NRG1: variants seen among roughly 807,000 people sequenced by gnomAD.
NRG1 encodes pro-neuregulin-1, membrane-bound isoform.
Under a neutral mutation model 63.8 loss-of-function variants are expected in NRG1, and 18 were observed. That is an observed-to-expected ratio of 0.28 (90% CI 0.19 to 0.42). NRG1 has a LOEUF of 0.42. Ranked by LOEUF, NRG1 falls within the 10% of genes least tolerant of loss-of-function variation. The pLI is 1.00. For missense variants in NRG1, 762 were observed against 814.7 expected, an observed-to-expected ratio of 0.94 and a Z score of 0.79; for synonymous variants, 302 against 301.3, an observed-to-expected ratio of 1.00 and a Z score of -0.02.
rs149554287 is a variant in NRG1, at chr8:32,394,980, G to A, written c.38-200848G>A. ...TATGAAATCAGTGGTGAGAAGAATG[G>A]CTATAAGGAATGGGCTCTACAATTA... On this transcript the variant is annotated intron_variant, in intron 1 of 10. Coordinates refer to the NRG1 transcript ENST00000519301. Among the ~76,000 whole-genome samples the A allele has an allele frequency of 6.0e-3, 920 of 152,236 alleles. 11 individuals are homozygous for A. Among genetic ancestry groups the A allele is most frequent in the African/African-American group, 0.021 (889 of 41,536 alleles).
chr8:32,375,578 G>A (rs1809519382), intron 1 of NRG1, among the ~76,000 whole-genome samples: 1 of 151,370 alleles, frequency 6.6e-6, no homozygotes. Flanking sequence ...CCAAGGTGGT[G>A]ATGAGAGTCT....
intron 1 of NRG1, among the ~76,000 whole-genome samples, chr8:32,133,024 T>C (rs1334588804): frequency 1.3e-5 from 2 of 151,604 alleles, no homozygotes; most frequent in East Asian, 3.9e-4. Flanking sequence ...ACTCTCTCTC[T>C]CTTTCTTCCT....
chr8:31,918,649 T>G (rs561529319), intron 1 of NRG1, among the ~76,000 whole-genome samples: 4 of 152,138 alleles, frequency 2.6e-5, no homozygotes, highest in East Asian at 3.9e-4. Context: ...TCAAGGATAT[T>G]GGTCTAAAAT....
At chr8:32,286,239 G>C (rs1258878862) in intron 1 of NRG1, among the ~76,000 whole-genome samples, 2 of 152,182 alleles carry the variant, frequency 1.3e-5, no homozygotes, top group African/African-American at 4.8e-5. Context: ...GAAATAATGA[G>C]TATTTGTAGT....
At chr8:31,710,636 A>G (rs1811647647) in intron 1 of NRG1, among the ~76,000 whole-genome samples, 1 of 152,038 alleles carries the variant, frequency 6.6e-6, no homozygotes, top group Non-Finnish European at 1.5e-5. Context: ...GTCTAATATG[A>G]AAAATAAGAC....
intron 1 of NRG1, among the ~76,000 whole-genome samples, chr8:32,104,158 C>G (rs1830950046): frequency 6.6e-6 from 1 of 152,156 alleles, no homozygotes; most frequent in Non-Finnish European, 1.5e-5. Context: ...AGACATACTA[C>G]ATACTAGGCT....
chr8:31,731,763 T>C (rs1814095249), intron 1 of NRG1, among the ~76,000 whole-genome samples: 1 of 152,178 alleles, frequency 6.6e-6, no homozygotes, highest in Non-Finnish European at 1.5e-5. Context: ...AGACTCTATA[T>C]CAATATGCAA....
intron 1 of NRG1, among the ~76,000 whole-genome samples, chr8:31,657,222 G>T (rs1176567047): frequency 1.3e-5 from 2 of 151,966 alleles, no homozygotes; most frequent in African/African-American, 2.4e-5. Context: ...TTTTATATTG[G>T]GTTTTTCCTA....
chr8:32,073,008 G>GA (rs11400928), intron 1 of NRG1, among the ~76,000 whole-genome samples: 142,301 of 150,110 alleles, frequency 0.95, 67,591 homozygotes, highest in East Asian at 0.99. Flanking sequence ...TCAGGTCTGG[G>GA]AAAAAAAAAA....
intron 1 of NRG1, among the ~76,000 whole-genome samples, chr8:31,668,753 C>T (rs948039483): frequency 1.3e-5 from 2 of 152,152 alleles, no homozygotes; most frequent in African/African-American, 4.8e-5. Context: ...TTTACAGATA[C>T]AGTTCCTGGC....
intron 1 of NRG1, among the ~76,000 whole-genome samples, chr8:32,278,553 A>G (rs1852356957): frequency 6.6e-6 from 1 of 152,144 alleles, no homozygotes; most frequent in Non-Finnish European, 1.5e-5. Context: ...TTCTAACCCA[A>G]ATCTCGCTAT....
At chr8:32,754,627 T>G (rs906495041) in intron 8 of NRG1, among the ~76,000 whole-genome samples, 153 bp downstream of exon 8, 10 of 152,068 alleles carry the variant, frequency 6.6e-5, no homozygotes, top group African/African-American at 2.4e-4. Context: ...ATAATCCATT[T>G]TGAGGATGTC....
At chr8:32,518,219 G>A (rs1347343458) in intron 1 of NRG1, among the ~76,000 whole-genome samples, 2 of 152,098 alleles carry the variant, frequency 1.3e-5, no homozygotes, top group Non-Finnish European at 2.9e-5. Context: ...AGAGCATACA[G>A]AGGCAGAGTG....
intron 1 of NRG1, among the ~76,000 whole-genome samples, chr8:32,288,275 A>G (rs182793745): frequency 2.8e-4 from 43 of 152,302 alleles, no homozygotes; most frequent in Non-Finnish European, 4.6e-4. Context: ...ATGGCTAGCA[A>G]TCTTTATACA....
chr8:32,719,716 C>T (rs1039068069), intron 5 of NRG1, among the ~76,000 whole-genome samples: 4 of 151,956 alleles, frequency 2.6e-5, no homozygotes, highest in African/African-American at 9.7e-5. Context: ...CCTTTTTTCA[C>T]TCTTTGTTTG....
chr8:32,613,549 TA>T (rs962512552), intron 3 of NRG1, among the ~76,000 whole-genome samples: 3 of 152,218 alleles, frequency 2.0e-5, no homozygotes, highest in African/African-American at 4.8e-5. Context: ...AATTTAAACA[TA>T]AAATTATATA....
In NRG1 at chr8:31,965,284, G is replaced by A. The variant is rs974123972; in HGVS notation, c.37+325853G>A. On this transcript the variant is annotated intron_variant, in intron 1 of 10. Transcript: ENST00000519301. ...GTCACCCAGGCTGAAGTGCAGTGGT[G>A]TGATCTCAGCTCACGGCAATGTCTG... Among the ~76,000 whole-genome samples the A allele has an allele frequency of 2.6e-5, 4 of 151,488 alleles. No homozygotes were observed. The Middle Eastern group carries it at 0.01, about 389-fold the overall frequency.
chr8:32,312,157 GTTTTTT>G (rs35888973), intron 1 of NRG1, among the ~76,000 whole-genome samples: 6 of 74,400 alleles, frequency 8.1e-5, no homozygotes, highest in African/African-American at 3.3e-4. Context: ...GACCTTGTTT[GTTTTTT>G]TTTTTTTTTT....
At chr8:31,865,836 G>T (rs533215751) in intron 1 of NRG1, among the ~76,000 whole-genome samples, 10 of 152,138 alleles carry the variant, frequency 6.6e-5, no homozygotes, top group African/African-American at 2.2e-4. Context: ...TTGGAAAAAT[G>T]ATTTGTTTAG....
Sources: gnomAD v4.1 joint callset for allele counts (sites outside exome capture counted in the v4.1 genomes callset) on GRCh38, gnomAD v4.1.1 for gene constraint, MANE v1.5 for transcripts, NCBI Gene and HGNC (gene_info 2026-07-23, HGNC 2026-07-21) for gene names.